SMARCA1: variants seen among roughly 807,000 people sequenced by gnomAD.
The protein encoded by SMARCA1 is SWI/SNF-related matrix-associated actin-dependent regulator of chromatin subfamily A member 1.
A neutral mutation model predicts 93.6 loss-of-function variants in SMARCA1; 17 were observed. That is an observed-to-expected ratio of 0.18 (90% CI 0.12 to 0.27). The LOEUF is 0.27. SMARCA1 is among the 10% of genes least tolerant of loss of function. The probability of loss-of-function intolerance (pLI) is 1.00; values close to 1 mark genes in which losing one functional copy is unlikely to be tolerated. For synonymous variants in SMARCA1, 271 were observed against 271.4 expected (o/e 1.00, Z 0.01); for missense variants, 630 against 819.0 (o/e 0.77, Z 2.82).
rs1343362020 is a variant in SMARCA1, at chrX:129,496,990, C to G, written c.1505-119G>C. 3 of 484,996 alleles carry G rather than the reference C, an allele frequency of 6.2e-6. No individual in the cohort carries two copies. The East Asian group carries it at 1.1e-4, about 17-fold the overall frequency. The allele number at this position is 484,996 out of a possible 1,213,427, so 40.0% of individuals were successfully genotyped here. On this transcript the variant is annotated intron_variant, in intron 11 of 24. Transcript: ENST00000371121. The stretch of plus-strand genomic sequence containing the variant: ...CACATGAACACTCCACTAACGCACA[C>G]ACACACGTGCACACACACACACACA...
intron 5 of SMARCA1, among the ~76,000 whole-genome samples, chrX:129,514,553 T>C (rs1204491548): frequency 8.9e-6 from 1 of 112,432 alleles, no homozygotes; most frequent in African/African-American, 3.2e-5. Flanking sequence ...CATTCACACA[T>C]GCATATATTC....
chrX:129,476,672 C>A (rs1457135209), intron 19 of SMARCA1, among the ~76,000 whole-genome samples: 2 of 111,993 alleles, frequency 1.8e-5, no homozygotes. Flanking sequence ...TACCAGGTAA[C>A]TCCACTAAAG....
intron 1 of SMARCA1, 144 bp downstream of exon 1, chrX:129,523,053 T>TCCGCCGCCGACCCCCGCAC: frequency 1.6e-6 from 1 of 641,531 alleles, no homozygotes; most frequent in Non-Finnish European, 2.3e-6. Flanking sequence ...GCCAGGCGGT[T>TCCGCCGCCGACCCCCGCAC]CCGCCGCCGA....
chrX:129,520,597 T>C (rs1268470639), intron 1 of SMARCA1, among the ~76,000 whole-genome samples: 1 of 109,486 alleles, frequency 9.1e-6, no homozygotes, highest in Non-Finnish European at 1.9e-5. Context: ...GAAAGATCAC[T>C]AGATGAAGGC....
At chrX:129,458,948 C>T (rs190065053) in intron 23 of SMARCA1, among the ~76,000 whole-genome samples, 1 of 111,377 alleles carries the variant, frequency 9.0e-6, no homozygotes, top group East Asian at 2.8e-4. Context: ...TTCCCAGGTT[C>T]CTAGTCACTT....
chrX:129,452,543 T>C (rs764466991), intron 23 of SMARCA1, among the ~76,000 whole-genome samples: 1 of 112,792 alleles, frequency 8.9e-6, no homozygotes, highest in South Asian at 3.7e-4. Flanking sequence ...AATTTCTTTA[T>C]GATAGGACTT....
chrX:129,509,660 C>T (rs1376307056), intron 6 of SMARCA1, among the ~76,000 whole-genome samples: 1 of 111,929 alleles, frequency 8.9e-6, no homozygotes, highest in African/African-American at 3.2e-5. Flanking sequence ...CTCGATAAAA[C>T]ATTAAAGGTG....
rs747451738 is a variant in SMARCA1 at position 129,447,708 on chromosome X, G to A, written c.3142-475C>T. Among the ~76,000 whole-genome samples the A allele has an allele frequency of 2.7e-5, 3 of 111,616 alleles. No homozygotes were observed. The South Asian group carries it at 1.1e-3, about 42-fold the overall frequency. On this transcript the variant is annotated intron_variant, in intron 24 of 24. Coordinates refer to ENST00000371121, the MANE Select transcript of SMARCA1 (RefSeq NM_001282874.2). ...TTACACCTGGCAGCATTTTCCCTCA[G>A]TGGTACATAAAATAATGCTGTGTCT... is the stretch of plus-strand genomic sequence containing the variant.
chrX:129,457,324 T>G (rs1009724259), intron 23 of SMARCA1, among the ~76,000 whole-genome samples: 3 of 112,573 alleles, frequency 2.7e-5, no homozygotes, highest in Non-Finnish European at 5.6e-5. Context: ...ACTTGCTTTA[T>G]TGTGATATTT....
intron 6 of SMARCA1, among the ~76,000 whole-genome samples, chrX:129,510,402 A>G (rs896765523): frequency 7.1e-5 from 8 of 112,232 alleles, no homozygotes; most frequent in Admixed American, 6.6e-4. Flanking sequence ...CCGGTTTTCA[A>G]GATTAAGAAA....
chrX:129,490,339 C>G (rs1277552592), intron 14 of SMARCA1, 147 bp from the exon 15 acceptor site: 1 of 358,070 alleles, frequency 2.8e-6, no homozygotes, highest in East Asian at 4.5e-5. Flanking sequence ...TTGAGAATAT[C>G]TAAAGACCAC....
intron 6 of SMARCA1, among the ~76,000 whole-genome samples, chrX:129,510,069 T>C (rs1434106432): frequency 8.9e-6 from 1 of 112,387 alleles, no homozygotes; most frequent in African/African-American, 3.2e-5. Context: ...CATCAATCTC[T>C]AAGTGCTGAA....
At chrX:129,447,668 ACAACTGATGACAAAT>A (rs1932073971) in intron 24 of SMARCA1, among the ~76,000 whole-genome samples, 1 of 111,824 alleles carries the variant, frequency 8.9e-6, no homozygotes, top group African/African-American at 3.2e-5. Flanking sequence ...GATGCAACTT[ACAACTGATGACAAAT>A]TACACCTGGC....
chrX:129,491,960 T>C lies in SMARCA1; in HGVS notation c.1796A>G (p.Gln599Arg). 9 of 1,197,687 alleles carry C rather than the reference T, an allele frequency of 7.5e-6. No individual in the cohort carries two copies. The highest frequency in any genetic ancestry group is 7.9e-6 in the Non-Finnish European group (7 of 886,624). The change falls in exon 14 of 25, where the codon CAG (glutamine) becomes CGG (arginine). Residue 599 changes from glutamine (Q) to arginine (R), a missense_variant. Gln to Arg is a conservative substitution (Grantham distance 43). Around this residue, in one of 4 missense-constraint regions of SMARCA1, gnomAD observed 382 missense variants for 537.9 expected, o/e 0.71. Transcript: ENST00000371121. ...VILYDSDWNP[Q>R]VDLQAMDRAH... is the part of the protein sequence containing the mutation. ...ACTAACCATAGCTTGTAGATCAACC[T>C]GTGGGTTCCAGTCTGAATCATATAG... is the stretch of plus-strand genomic sequence containing the variant.
chrX:129,461,274 A>C (rs1284717512), intron 23 of SMARCA1, among the ~76,000 whole-genome samples: 1 of 112,025 alleles, frequency 8.9e-6, no homozygotes, highest in African/African-American at 3.2e-5. Flanking sequence ...TAAAATTAAG[A>C]GTCAAAGCAG....
At chrX:129,511,550 C>T (rs866175916) in intron 6 of SMARCA1, among the ~76,000 whole-genome samples, 1 of 110,633 alleles carries the variant, frequency 9.0e-6, no homozygotes, top group Non-Finnish European at 1.9e-5. Flanking sequence ...GGTTAATGAA[C>T]TAAAGCAAAT....
At position 129,515,669 on chromosome X, in the gene SMARCA1, T is replaced by C. The variant is rs373473082; in HGVS notation, c.630+18A>G. The C allele has an allele frequency of 3.8e-6, 4 of 1,064,245 alleles. No homozygotes were observed. The highest frequency in any genetic ancestry group is 3.8e-5 in the South Asian group (2 of 52,373). 87.7% of individuals were successfully genotyped at this position (1,064,245 alleles called of 1,213,427 possible). The stretch of plus-strand genomic sequence containing the variant: ...TCATTGATAACTGAGAATGTGTTTT[T>C]AGCTACCAATTCCTTACCATTTCAT... On this transcript the variant is annotated intron_variant, in intron 5 of 24. Transcript: ENST00000371121.
intron 19 of SMARCA1, among the ~76,000 whole-genome samples, chrX:129,477,562 A>T (rs769382121): frequency 3.2e-4 from 35 of 110,933 alleles, no homozygotes; most frequent in African/African-American, 1.1e-3. Context: ...TCTCAAAAAA[A>T]AATTGTAAAT....
intron 12 of SMARCA1, among the ~76,000 whole-genome samples, chrX:129,495,297 C>A (rs1188698155): frequency 8.9e-6 from 1 of 112,269 alleles, no homozygotes; most frequent in African/African-American, 3.2e-5. Context: ...ACATTTATTT[C>A]CATGTTTAAT....
Sources: gnomAD v4.1 joint callset for allele counts (sites outside exome capture counted in the v4.1 genomes callset) on GRCh38, gnomAD v4.1.1 for gene constraint, gnomAD v4.1.1 regional missense constraint, MANE v1.5 for transcripts, NCBI Gene and HGNC (gene_info 2026-07-23, HGNC 2026-07-21) for gene names.